The following GPC1 variants were observed in gnomAD, a reference collection of about 807,000 sequenced individuals.
GPC1 encodes glypican 1.
Under a neutral mutation model 51.5 loss-of-function variants are expected in GPC1, and 26 were observed. The ratio of observed to expected loss-of-function variants is 0.50; its 90% CI spans 0.37 to 0.70. The LOEUF (loss-of-function observed/expected upper bound fraction) is 0.70, where lower values mean the gene tolerates loss of function less well. Among genes scored for constraint, GPC1 ranks in the 30% least tolerant of loss-of-function variants. The pLI, the probability that GPC1 is intolerant of heterozygous loss-of-function variation, is 0.00. For synonymous variants in GPC1, 380 were observed against 348.3 expected, an observed-to-expected ratio of 1.09 and a Z score of -1.01; for missense variants, 775 against 800.5, an observed-to-expected ratio of 0.97 and a Z score of 0.38.
At chr2:240,458,754 G>A (rs1211578728) in intron 1 of GPC1, 2 of 422,610 alleles carry the variant, frequency 4.7e-6, no homozygotes, top group Non-Finnish European at 8.5e-6. Context: ...TGGGACAGCA[G>A]GCTGGGGGGC....
chr2:240,465,279 G>A, intron 7 of GPC1, 69 bp downstream of exon 7: 9 of 1,513,994 alleles, frequency 5.9e-6, no homozygotes, highest in South Asian at 1.3e-5. Context: ...CCTGGGCCAG[G>A]TGCTGTCTGC....
chr2:240,463,741 G>C, intron 4 of GPC1: 1 of 566,026 alleles, frequency 1.8e-6, no homozygotes. Context: ...GGAGCCCTGT[G>C]GGGTCATAGT....
intron 1 of GPC1, chr2:240,451,461 C>A: frequency 5.9e-6 from 2 of 341,696 alleles, no homozygotes; most frequent in South Asian, 4.4e-5. Context: ...CAACCCCACC[C>A]TCCCACAGCC....
chr2:240,456,608 C>T (rs753358499), intron 1 of GPC1: 7 of 470,686 alleles, frequency 1.5e-5, no homozygotes, highest in South Asian at 3.1e-5. Flanking sequence ...ATCATGTGTC[C>T]GGCTGACCTG....
Position 240,462,558 on chromosome 2 carries a change from C to T in GPC1, c.693C>T (p.Ser231=), listed in dbSNP as rs754067522. 2.5e-5 allele frequency: 38 copies of T among 1,530,882 alleles called. No homozygotes were observed. Among genetic ancestry groups the T allele is most frequent in the South Asian group, 4.9e-5 (4 of 81,426 alleles). The allele number at this position is 1,530,882 out of a possible 1,614,324, so 94.8% of individuals were successfully genotyped here. A position where few individuals can be genotyped will look rare whatever the true frequency, so the allele number is the denominator to read the frequency against. The change falls in exon 3 of 9, where the codon AGC becomes AGT. Residue 231 remains serine, a synonymous_variant. Transcript: ENST00000264039. ...RSFVQGLGVA[S]DVVRKVAQVP... ...TTGTGCAGGGCCTGGGCGTGGCCAG[C>T]GACGTGGTCCGGAAAGTGGCTCAGG...
intron 4 of GPC1, chr2:240,463,797 C>T: frequency 2.0e-6 from 1 of 493,968 alleles, no homozygotes. Context: ...TGCATACATG[C>T]CAACACGTGT....
intron 1 of GPC1, among the ~76,000 whole-genome samples, chr2:240,446,379 G>A (rs529921541): frequency 4.2e-4 from 64 of 152,376 alleles, no homozygotes; most frequent in African/African-American, 1.5e-3. Context: ...GACGCAGTTA[G>A]CGCAGAGACA....
chr2:240,435,898 G>T lies in GPC1; in HGVS notation c.-21G>T, dbSNP rs1273865462. 8.2e-7 allele frequency: 1 copy of T among 1,220,340 alleles called. No individual in the cohort carries two copies. Among genetic ancestry groups the T allele is most frequent in the Non-Finnish European group, 1.0e-6 (1 of 977,370 alleles). 75.6% of individuals were successfully genotyped at this position (1,220,340 alleles called of 1,614,324 possible). On this transcript the variant is annotated 5_prime_UTR_variant, in exon 1 of 9. Transcript: ENST00000264039. ...CCGAGAGAGGCGCGGGCGGGTGGCC[G>T]GGGGCGCCGCCGGCCCCGCCATGGA...
intron 1 of GPC1, chr2:240,452,979 GC>G: frequency 2.8e-6 from 1 of 352,170 alleles, no homozygotes; most frequent in South Asian, 1.9e-5. Flanking sequence ...TGCACCCAGA[GC>G]CCGCGCGCCG....
intron 1 of GPC1, among the ~76,000 whole-genome samples, chr2:240,436,509 G>A (rs1457684532): frequency 1.3e-5 from 2 of 152,068 alleles, no homozygotes; most frequent in Non-Finnish European, 2.9e-5. Flanking sequence ...GGGGCTCGGC[G>A]TGGCCGGGCT....
chr2:240,464,765 G>A lies in GPC1; in HGVS notation c.1014+19G>A. On this transcript the variant is annotated intron_variant, in intron 5 of 8. Transcript: ENST00000264039. ...GGCCAAGGTGCGGGCAGGAGGACGT[G>A]ACGAGCACAGCGGGGTGGGGGTCCT... 6.3e-7 allele frequency: 1 copy of A among 1,596,338 alleles called. No homozygotes were observed. The highest frequency in any genetic ancestry group is 8.5e-7 in the Non-Finnish European group (1 of 1,171,788).
chr2:240,446,583 G>C (rs1405479638), intron 1 of GPC1, among the ~76,000 whole-genome samples: 2 of 152,236 alleles, frequency 1.3e-5, no homozygotes, highest in African/African-American at 4.8e-5. Context: ...CCTGGCTGGG[G>C]ACTGGCCCAG....
chr2:240,461,908 C>A (rs1477116638), intron 2 of GPC1, among the ~76,000 whole-genome samples: 1 of 152,034 alleles, frequency 6.6e-6, no homozygotes, highest in African/African-American at 2.4e-5. Flanking sequence ...TCTGTTCTGC[C>A]CAGGGCTCAG....
At chr2:240,452,826 G>GCGGCGCGC (rs1208398333) in intron 1 of GPC1, 5 of 168,472 alleles carry the variant, frequency 3.0e-5, no homozygotes, top group African/African-American at 1.2e-4. Context: ...CAGTGCGGCT[G>GCGGCGCGC]CGGCGCTGCC....
At chr2:240,446,652 G>C (rs557661050) in intron 1 of GPC1, among the ~76,000 whole-genome samples, 19 of 152,280 alleles carry the variant, frequency 1.2e-4, no homozygotes, top group African/African-American at 4.6e-4. Context: ...CCTGTCCTCG[G>C]CCTCCCATGC....
intron 1 of GPC1, among the ~76,000 whole-genome samples, chr2:240,447,745 C>A (rs191186513): frequency 6.6e-6 from 1 of 152,206 alleles, no homozygotes; most frequent in Admixed American, 6.5e-5. Flanking sequence ...AAGGCTGGCC[C>A]GCCCTCTGCC....
chr2:240,449,951 C>A (rs754123497), intron 1 of GPC1: 135 of 467,632 alleles, frequency 2.9e-4, no homozygotes, highest in Non-Finnish European at 1.3e-4. Flanking sequence ...ACAATCTATT[C>A]GACTGTGGAG....
In GPC1 at chr2:240,465,462, C is replaced by G. The variant is rs890211400; in HGVS notation, c.1269-11C>G. On this transcript the variant is annotated splice_polypyrimidine_tract_variant and intron_variant, in intron 7 of 8. Coordinates refer to ENST00000264039, the MANE Select transcript of GPC1 (RefSeq NM_002081.3). ...GAGCAGTGACCTGGGCTCTGCCTGC[C>G]TTTCCCCCAGGTACCTCCCCGAGGT... 6.2e-7 allele frequency: 1 copy of G among 1,612,284 alleles called. No individual in the cohort carries two copies. The highest frequency in any genetic ancestry group is 1.1e-5 in the South Asian group (1 of 91,036).
intron 1 of GPC1, chr2:240,451,344 C>A: frequency 2.3e-6 from 1 of 443,892 alleles, no homozygotes. Flanking sequence ...GTGGGTGTAG[C>A]AGACAGGGAG....
Sources: allele counts gnomAD v4.1 joint callset (sites outside exome capture counted in the v4.1 genomes callset), GRCh38; gene constraint gnomAD v4.1.1; transcripts MANE v1.5; gene names NCBI Gene and HGNC (gene_info 2026-07-23, HGNC 2026-07-21).